Variants in ACTR3C observed in about 807,000 individuals in gnomAD.
The protein encoded by ACTR3C is actin related protein 3C, also known as actin-related protein 3C.
ACTR3C carries 18 observed loss-of-function variants against 26.3 expected under a neutral mutation model. The observed-to-expected ratio is 0.68, with a 90% CI of 0.47 to 1.01. ACTR3C has a LOEUF of 1.01. ACTR3C is among the 50% of genes least tolerant of loss of function. ACTR3C has a pLI of 0.00. For missense variants in ACTR3C, 184 were observed against 250.7 expected (o/e 0.73, Z 1.80); for synonymous variants, 55 against 94.5 (o/e 0.58, Z 2.42).
intron 1 of ACTR3C, chr7:150,322,831 C>A (rs1240645644): frequency 6.6e-6 from 1 of 152,328 alleles, no homozygotes; most frequent in African/African-American, 2.4e-5. Context: ...TCTGATAACA[C>A]CAGGAGACAC....
intron 1 of ACTR3C, among the ~76,000 whole-genome samples, chr7:150,299,305 G>A (rs1278396961): frequency 6.6e-6 from 1 of 150,724 alleles, no homozygotes; most frequent in African/African-American, 2.4e-5. Context: ...AAAAAACAAG[G>A]TGTGGTAGCC....
the ACTR3C span, among the ~76,000 whole-genome samples, chr7:149,917,321 C>T: frequency 7.9e-5 from 12 of 152,096 alleles, no homozygotes; most frequent in African/African-American, 1.4e-4. Flanking sequence ...GTGATCTGCC[C>T]GCCTCGGCCT....
chr7:150,044,671 T>C, the ACTR3C span: 1 of 152,254 alleles, frequency 6.6e-6, no homozygotes, highest in African/African-American at 2.4e-5. Flanking sequence ...GCTGGGTAAC[T>C]GCCCATTCTC....
the ACTR3C span, among the ~76,000 whole-genome samples, chr7:149,969,518 T>A: frequency 6.6e-6 from 1 of 152,112 alleles, no homozygotes; most frequent in African/African-American, 2.4e-5. Context: ...AGTAAAGCCC[T>A]TTTCTTGACT....
At chr7:150,138,834 G>T in the ACTR3C span, among the ~76,000 whole-genome samples, 35 of 152,420 alleles carry the variant, frequency 2.3e-4, no homozygotes, top group East Asian at 1.2e-3. Context: ...TCTGCCTCCC[G>T]TCAGGTCAGC....
chr7:150,081,055 T>C, the ACTR3C span, among the ~76,000 whole-genome samples: 2 of 152,204 alleles, frequency 1.3e-5, no homozygotes, highest in Admixed American at 6.5e-5. Context: ...TTGTATGTGC[T>C]CCTTGCTTCG....
At chr7:150,220,821 T>C in the ACTR3C span, among the ~76,000 whole-genome samples, 1 of 152,426 alleles carries the variant, frequency 6.6e-6, no homozygotes, top group East Asian at 1.9e-4. Context: ...AGGGCGGATC[T>C]TTCCACACCC....
chr7:149,992,276 T>C, the ACTR3C span, among the ~76,000 whole-genome samples: 1 of 152,272 alleles, frequency 6.6e-6, no homozygotes, highest in African/African-American at 2.4e-5. Context: ...TTTTGATATG[T>C]CATGGGATCT....
At chr7:149,883,299 T>A in the ACTR3C span, among the ~76,000 whole-genome samples, 1 of 152,156 alleles carries the variant, frequency 6.6e-6, no homozygotes, top group Non-Finnish European at 1.5e-5. Context: ...TGTACCCAAC[T>A]TCTGTTAGAG....
the ACTR3C span, among the ~76,000 whole-genome samples, chr7:149,942,539 T>C: frequency 6.6e-6 from 1 of 151,872 alleles, no homozygotes. Context: ...GCAGCTGAAT[T>C]ATCATTATTA....
the ACTR3C span, among the ~76,000 whole-genome samples, chr7:149,897,229 T>C: frequency 2.0e-5 from 3 of 152,308 alleles, no homozygotes; most frequent in Admixed American, 2.0e-4. Context: ...GTAGAGCTAC[T>C]GGTGACTTTT....
the ACTR3C span, among the ~76,000 whole-genome samples, chr7:150,142,592 G>A: frequency 2.0e-5 from 3 of 152,110 alleles, no homozygotes; most frequent in African/African-American, 7.2e-5. Flanking sequence ...GCAGTGGTGT[G>A]ATCTCAGCTC....
the ACTR3C span, among the ~76,000 whole-genome samples, chr7:150,219,618 G>A: frequency 7.3e-6 from 1 of 137,248 alleles, no homozygotes; most frequent in Non-Finnish European, 1.5e-5. Context: ...GCGCGTGGGA[G>A]TAAACATTTC....
At chr7:149,999,504 T>A in the ACTR3C span, among the ~76,000 whole-genome samples, 1 of 150,678 alleles carries the variant, frequency 6.6e-6, no homozygotes, top group Non-Finnish European at 1.5e-5. Context: ...TCTTCTTTCA[T>A]GGGATGGGCC....
At chr7:149,907,972 C>T in the ACTR3C span, among the ~76,000 whole-genome samples, 3 of 151,870 alleles carry the variant, frequency 2.0e-5, no homozygotes, top group Non-Finnish European at 4.4e-5. Context: ...GAATTCACTA[C>T]GCAGAAGCCC....
At chr7:150,216,498 C>T in the ACTR3C span, among the ~76,000 whole-genome samples, 1 of 152,240 alleles carries the variant, frequency 6.6e-6, no homozygotes, top group Non-Finnish European at 1.5e-5. Flanking sequence ...CAATGATCTT[C>T]TCACACTAGC....
intron 1 of ACTR3C, among the ~76,000 whole-genome samples, chr7:150,302,165 T>C (rs556338891): frequency 1.3e-5 from 2 of 152,300 alleles, no homozygotes; most frequent in African/African-American, 4.8e-5. Flanking sequence ...CTAACTAATG[T>C]GGAAAAACGT....
At chr7:149,900,271 G>A in the ACTR3C span, among the ~76,000 whole-genome samples, 1 of 152,060 alleles carries the variant, frequency 6.6e-6, no homozygotes, top group African/African-American at 2.4e-5. Context: ...CACCTCCCGG[G>A]TTTAAGCGAT....
At chr7:150,301,801 AT>A (rs1437793620) in intron 1 of ACTR3C, among the ~76,000 whole-genome samples, 41 of 151,680 alleles carry the variant, frequency 2.7e-4, no homozygotes, top group African/African-American at 8.5e-4. Flanking sequence ...TTCCATTTAT[AT>A]GAGGGCCCTA....
Sources: gnomAD v4.1 joint callset for allele counts (sites outside exome capture counted in the v4.1 genomes callset) on GRCh38, gnomAD v4.1.1 for gene constraint, MANE v1.5 for transcripts, NCBI Gene and HGNC (gene_info 2026-07-23, HGNC 2026-07-21) for gene names.